The following STAB2 variants were observed in gnomAD, a reference collection of about 807,000 sequenced individuals.
STAB2 encodes stabilin 2, also known as stabilin-2.
In STAB2, 288 loss-of-function variants were observed where a neutral mutation model predicts 338.1. The ratio of observed to expected loss-of-function variants is 0.85; its 90% CI spans 0.77 to 0.94. The LOEUF is 0.94. Ranked by LOEUF, STAB2 falls within the 40% of genes least tolerant of loss-of-function variation. STAB2 has a pLI of 0.00. For missense variants in STAB2, 3,141 were observed against 3,210.1 expected (o/e 0.98, Z 0.52); for synonymous variants, 1,202 against 1,193.3 (o/e 1.01, Z -0.15).
intron 63 of STAB2, chr12:103,757,864 TGGG>T (rs1009855951): frequency 5.2e-6 from 2 of 381,706 alleles, no homozygotes; most frequent in African/African-American, 4.1e-5. Flanking sequence ...CTGAGTGAAG[TGGG>T]GGGCCACTGC....
intron 10 of STAB2, among the ~76,000 whole-genome samples, chr12:103,649,665 G>A (rs1358385247): frequency 6.6e-6 from 1 of 152,094 alleles, no homozygotes. Flanking sequence ...AAATCTTAAG[G>A]TTAAATATCC....
chr12:103,700,250 CATAATT>C (rs1262911331), intron 34 of STAB2, among the ~76,000 whole-genome samples: 13 of 152,084 alleles, frequency 8.5e-5, no homozygotes, highest in Admixed American at 3.9e-4. Flanking sequence ...ATAAGAAACT[CATAATT>C]TTAATGTAAA....
At chr12:103,705,550 T>A in intron 36 of STAB2, 82 bp from the exon 37 acceptor site, 1 of 1,114,988 alleles carries the variant, frequency 9.0e-7, no homozygotes, top group South Asian at 1.3e-5. Context: ...GAGACAGCAA[T>A]GCATCACCCA....
intron 31 of STAB2, among the ~76,000 whole-genome samples, chr12:103,693,232 T>C (rs1487062174): frequency 6.6e-6 from 1 of 152,060 alleles, no homozygotes; most frequent in African/African-American, 2.4e-5. Context: ...GGTAGGAGGA[T>C]TGCTTGAGCC....
intron 39 of STAB2, 68 bp from the exon 40 acceptor site, chr12:103,711,403 A>G: frequency 6.2e-7 from 1 of 1,606,496 alleles, no homozygotes; most frequent in Non-Finnish European, 8.5e-7. Context: ...TTCTGAGCAC[A>G]AAATACTAAA....
intron 34 of STAB2, among the ~76,000 whole-genome samples, chr12:103,702,507 G>A (rs1264435506): frequency 1.3e-5 from 2 of 151,924 alleles, no homozygotes; most frequent in African/African-American, 4.8e-5. Flanking sequence ...CACCTTGTTA[G>A]CCAGGATGGT....
Position 103,658,360 on chromosome 12 carries a change from C to T in STAB2, c.1735-1971C>T, listed in dbSNP as rs144759607. ...CTCCTGGAAACCTACCCTGTTCGAGCCACACTGGAGTGAATTCGAACTGGG... is the reference window on the plus strand; with the variant it reads ...CTCCTGGAAACCTACCCTGTTCGAGTCACACTGGAGTGAATTCGAACTGGG... On this transcript the variant is annotated intron_variant, in intron 15 of 68. Coordinates refer to ENST00000388887, the MANE Select transcript of STAB2 (RefSeq NM_017564.10). Among the ~76,000 whole-genome samples the T allele has an allele frequency of 6.3e-3, 964 of 152,238 alleles. 8 individuals are homozygous for T. The highest frequency in any genetic ancestry group is 0.022 in the African/African-American group (916 of 41,532).
intron 1 of STAB2, among the ~76,000 whole-genome samples, chr12:103,588,447 G>A (rs899015925): frequency 5.3e-5 from 8 of 151,166 alleles, no homozygotes; most frequent in South Asian, 2.1e-4. Context: ...CTTCAGTCTC[G>A]CCCCTGACAG....
At position 103,737,830 on chromosome 12, in the gene STAB2, G is replaced by A. The variant is rs773663849; in HGVS notation, c.5697+50G>A. 2.4e-5 allele frequency: 39 copies of A among 1,608,928 alleles called. No individual in the cohort carries two copies. The South Asian group carries it at 4.2e-4, about 17-fold the overall frequency. On this transcript the variant is annotated intron_variant, in intron 53 of 68. Transcript: ENST00000388887. ...GTAAGAGAACCTTAAGCCAAAGAAT[G>A]GCCCTCATGATCCAGTGTGGACCCT...
chr12:103,711,782 T>C (rs555930703), intron 40 of STAB2, among the ~76,000 whole-genome samples: 1 of 152,234 alleles, frequency 6.6e-6, no homozygotes, highest in Non-Finnish European at 1.5e-5. Context: ...CCAGGACTCA[T>C]GGAGACTGAG....
At chr12:103,635,130 C>G (rs1957523820) in intron 6 of STAB2, among the ~76,000 whole-genome samples, 1 of 152,210 alleles carries the variant, frequency 6.6e-6, no homozygotes, top group Non-Finnish European at 1.5e-5. Context: ...ACTGACTGCT[C>G]TTTGTTCCAG....
intron 11 of STAB2, among the ~76,000 whole-genome samples, chr12:103,650,914 AAAG>A (rs1873693262): frequency 6.6e-6 from 1 of 152,222 alleles, no homozygotes; most frequent in African/African-American, 2.4e-5. Flanking sequence ...TCCAGGTGAT[AAAG>A]AAGATTTGCT....
Position 103,671,061 on chromosome 12 carries a change from A to T in STAB2, c.2371+254A>T, listed in dbSNP as rs148140795. On this transcript the variant is annotated intron_variant, in intron 22 of 68. Transcript: ENST00000388887. ...GAATTTGCATTTCTAACAAGTTCCG[A>T]GGGGGCACTAACACTGCTGGTCTGG... is the stretch of plus-strand genomic sequence containing the variant. Among the ~76,000 whole-genome samples, 386 of 152,284 alleles carry T rather than the reference A, an allele frequency of 2.5e-3. 3 individuals carry two copies. The Middle Eastern group carries it at 0.031, about 12-fold the overall frequency.
At chr12:103,750,044 G>A (rs2139175934) in intron 59 of STAB2, among the ~76,000 whole-genome samples, 1 of 152,222 alleles carries the variant, frequency 6.6e-6, no homozygotes, top group Non-Finnish European at 1.5e-5. Flanking sequence ...TTTCTCATTT[G>A]TAAAGTGGGC....
chr12:103,664,714 C>T (rs957050847), intron 18 of STAB2, among the ~76,000 whole-genome samples: 2 of 152,200 alleles, frequency 1.3e-5, no homozygotes, highest in African/African-American at 2.4e-5. Context: ...GGCCAAGCAC[C>T]TGGCACAGGA....
chr12:103,685,422 CTGTG>C (rs141365936), intron 27 of STAB2, among the ~76,000 whole-genome samples: 3,696 of 145,836 alleles, frequency 0.025, 43 homozygotes, highest in Middle Eastern at 0.043. Context: ...CTTACCCATG[CTGTG>C]TGTGTGTGTG....
chr12:103,660,665 G>T lies in STAB2; in HGVS notation c.1789-18G>T, dbSNP rs763952407. ...GTGGTCCCAAATATCTCTGCCTTTT[G>T]TTCTCTTCTTATTGCAGCTTGAAGT... On this transcript the variant is annotated intron_variant, in intron 16 of 68. Coordinates refer to ENST00000388887, the MANE Select transcript of STAB2 (RefSeq NM_017564.10). 4 of 1,613,868 alleles carry T rather than the reference G, an allele frequency of 2.5e-6. No homozygotes were observed. The South Asian group carries it at 3.3e-5, about 13-fold the overall frequency.
intron 1 of STAB2, among the ~76,000 whole-genome samples, chr12:103,588,426 A>T (rs149192232): frequency 6.6e-6 from 1 of 151,938 alleles, no homozygotes; most frequent in African/African-American, 2.4e-5. Flanking sequence ...ACGTTTTTTA[A>T]TCTCTTCAAG....
chr12:103,622,196 A>C (rs775242153), intron 5 of STAB2, 85 bp downstream of exon 5: 44 of 1,397,148 alleles, frequency 3.1e-5, no homozygotes, highest in Non-Finnish European at 4.3e-5. Context: ...AAAACACTGA[A>C]TAGTTATGTG....
Sources: gnomAD v4.1 joint callset for allele counts (sites outside exome capture counted in the v4.1 genomes callset) on GRCh38, gnomAD v4.1.1 for gene constraint, MANE v1.5 for transcripts, NCBI Gene and HGNC (gene_info 2026-07-23, HGNC 2026-07-21) for gene names.